The following ZBTB7C variants were observed in gnomAD, a reference collection of about 807,000 sequenced individuals.
The protein encoded by ZBTB7C is zinc finger and BTB domain containing 7C, also known as zinc finger and BTB domain-containing protein 7C.
Under a neutral mutation model 25.7 loss-of-function variants are expected in ZBTB7C, and 8 were observed. The observed-to-expected ratio is 0.31, with a 90% confidence interval of 0.18 to 0.56. ZBTB7C has a LOEUF of 0.56. ZBTB7C is among the 20% of genes least tolerant of loss of function. The probability of loss-of-function intolerance (pLI) is 0.91; values close to 1 mark genes in which losing one functional copy is unlikely to be tolerated. For synonymous variants in ZBTB7C, 394 were observed against 369.0 expected, an observed-to-expected ratio of 1.07 and a Z score of -0.78; for missense variants, 824 against 855.2, an observed-to-expected ratio of 0.96 and a Z score of 0.46.
chr18:48,251,568 T>A (rs1360508785), intron 2 of ZBTB7C, among the ~76,000 whole-genome samples: 1 of 152,298 alleles, frequency 6.6e-6, no homozygotes, highest in South Asian at 2.1e-4. Flanking sequence ...GCTGTGCCAA[T>A]AGGAAAAGAC....
intron 1 of ZBTB7C, among the ~76,000 whole-genome samples, chr18:48,393,942 A>G (rs2047959530): frequency 6.6e-6 from 1 of 152,176 alleles, no homozygotes; most frequent in South Asian, 2.1e-4. Context: ...AGCAAAGCAG[A>G]GGACACAATG....
chr18:48,372,917 T>C (rs532400225), intron 1 of ZBTB7C, among the ~76,000 whole-genome samples: 3 of 152,258 alleles, frequency 2.0e-5, no homozygotes, highest in African/African-American at 7.2e-5. Flanking sequence ...CCAGCTTACA[T>C]GTCTCCATGT....
intron 1 of ZBTB7C, chr18:48,408,234 C>A (rs1179196116): frequency 6.6e-6 from 1 of 152,308 alleles, no homozygotes; most frequent in Non-Finnish European, 1.5e-5. Context: ...CGGGAGCTGC[C>A]GCTTCGCTTT....
intron 3 of ZBTB7C, among the ~76,000 whole-genome samples, chr18:48,134,204 T>C (rs28657068): frequency 0.043 from 6,491 of 151,358 alleles, 455 homozygotes; most frequent in African/African-American, 0.15. Flanking sequence ...AGATGGGTAA[T>C]AGTTTCAAGG....
chr18:48,383,254 T>C (rs2047672783), intron 1 of ZBTB7C, among the ~76,000 whole-genome samples: 1 of 152,084 alleles, frequency 6.6e-6, no homozygotes, highest in African/African-American at 2.4e-5. Context: ...TCAATTACAA[T>C]CTTTTATTTA....
At chr18:48,221,891 A>G (rs2042970748) in intron 2 of ZBTB7C, among the ~76,000 whole-genome samples, 1 of 134,048 alleles carries the variant, frequency 7.5e-6, no homozygotes, top group Non-Finnish European at 1.6e-5. Context: ...TCTCCTCTAT[A>G]CTGTCCTAGT....
intron 1 of ZBTB7C, among the ~76,000 whole-genome samples, chr18:48,344,248 T>A (rs1199774678): frequency 6.6e-6 from 1 of 152,136 alleles, no homozygotes; most frequent in Non-Finnish European, 1.5e-5. Context: ...CCTCCCAAAG[T>A]GATGGGATTA....
At chr18:48,319,526 C>G (rs1467339598) in intron 2 of ZBTB7C, among the ~76,000 whole-genome samples, 1 of 152,130 alleles carries the variant, frequency 6.6e-6, no homozygotes, top group Non-Finnish European at 1.5e-5. Context: ...AAAAGGAAAG[C>G]AGCATGGCAC....
Position 48,031,725 on chromosome 18 carries a change from T to C in ZBTB7C, c.1209-1814A>G, listed in dbSNP as rs1352868735. On this transcript the variant is annotated intron_variant, in intron 4 of 4. Transcript: ENST00000590800. ...ACATGCTGGTGGTGGTGGTGGTCCGTGGACCCCACACTGAGAACCACCGGT... is the reference window on the plus strand; with the variant it reads ...ACATGCTGGTGGTGGTGGTGGTCCGCGGACCCCACACTGAGAACCACCGGT... 7.2e-5 allele frequency among the ~76,000 whole-genome samples: 11 copies of C among 152,362 alleles called. 1 individual carries two copies. The South Asian group carries it at 2.3e-3, about 32-fold the overall frequency.
intron 1 of ZBTB7C, among the ~76,000 whole-genome samples, chr18:48,404,442 G>A (rs1231167448): frequency 1.3e-5 from 2 of 152,214 alleles, no homozygotes; most frequent in African/African-American, 4.8e-5. Context: ...GACGCAGACA[G>A]GGACCAGATC....
At chr18:48,222,778 T>G (rs2042994003) in intron 2 of ZBTB7C, among the ~76,000 whole-genome samples, 1 of 152,286 alleles carries the variant, frequency 6.6e-6, no homozygotes, top group African/African-American at 2.4e-5. Context: ...CACAAGGGCA[T>G]GAGAAAGAGT....
chr18:48,342,750 T>C (rs2144982797), intron 1 of ZBTB7C, among the ~76,000 whole-genome samples: 1 of 151,610 alleles, frequency 6.6e-6, no homozygotes, highest in Middle Eastern at 3.4e-3. Flanking sequence ...GGCAGAAAAA[T>C]TAAGGAGCCA....
intron 2 of ZBTB7C, among the ~76,000 whole-genome samples, chr18:48,332,081 A>G (rs1277263692): frequency 4.6e-5 from 7 of 152,198 alleles, no homozygotes; most frequent in African/African-American, 7.2e-5. Context: ...TCTCTCCAAT[A>G]TATCCTTCTA....
intron 1 of ZBTB7C, among the ~76,000 whole-genome samples, chr18:48,339,562 C>A (rs1123638): frequency 0.61 from 93,017 of 152,012 alleles, 28,759 homozygotes; most frequent in East Asian, 0.8. Flanking sequence ...AAGATCACAC[C>A]GTAAGTAAAT....
At chr18:48,357,592 G>A (rs999505366) in intron 1 of ZBTB7C, among the ~76,000 whole-genome samples, 1 of 152,212 alleles carries the variant, frequency 6.6e-6, no homozygotes, top group African/African-American at 2.4e-5. Flanking sequence ...CAGCAGCACA[G>A]TCGGTGACTG....
At chr18:48,061,910 C>G (rs4245250) in intron 3 of ZBTB7C, among the ~76,000 whole-genome samples, 67,297 of 152,032 alleles carry the variant, frequency 0.44, 17,011 homozygotes, top group African/African-American at 0.7. Context: ...CTGTCGAAAG[C>G]AGGAAATGAC....
chr18:48,151,254 C>T lies in ZBTB7C; in HGVS notation c.-17+34680G>A, dbSNP rs112286306. ...CTGCATAAAATGTCACCAGTGGACACGGCATGACATACTTAACCGCTCCTC... is the reference window on the plus strand; with the variant it reads ...CTGCATAAAATGTCACCAGTGGACATGGCATGACATACTTAACCGCTCCTC... On this transcript the variant is annotated intron_variant, in intron 3 of 4. Coordinates refer to ENST00000590800, the MANE Select transcript of ZBTB7C (RefSeq NM_001318841.2). 3.6e-3 allele frequency among the ~76,000 whole-genome samples: 546 copies of T among 152,246 alleles called. 2 individuals carry two copies. Among genetic ancestry groups the T allele is most frequent in the Non-Finnish European group, 6.0e-3 (410 of 68,016 alleles).
rs554255457 is a variant in ZBTB7C at position 48,347,395 on chromosome 18, A to G, written c.-303-8997T>C. 3.8e-4 allele frequency among the ~76,000 whole-genome samples: 58 copies of G among 152,340 alleles called. No individual in the cohort carries two copies. The South Asian group carries it at 0.012, about 30-fold the overall frequency. The stretch of plus-strand genomic sequence containing the variant: ...GTTGCTTTTTCCCATAAAAGATACC[A>G]TAATTCCTCAGTTGAGGCTTTCTTT... On this transcript the variant is annotated intron_variant, in intron 1 of 4. Coordinates refer to ENST00000590800, the MANE Select transcript of ZBTB7C (RefSeq NM_001318841.2).
intron 2 of ZBTB7C, among the ~76,000 whole-genome samples, chr18:48,326,909 AAACAC>A (rs1248141157): frequency 2.0e-5 from 3 of 152,226 alleles, no homozygotes; most frequent in African/African-American, 7.2e-5. Flanking sequence ...TAATCCAACT[AAACAC>A]AAGAGGAAAC....
Sources: gnomAD v4.1 joint callset for allele counts (sites outside exome capture counted in the v4.1 genomes callset) on GRCh38, gnomAD v4.1.1 for gene constraint, MANE v1.5 for transcripts, NCBI Gene and HGNC (gene_info 2026-07-23, HGNC 2026-07-21) for gene names.